GUCY1B1: variants seen among roughly 807,000 people sequenced by gnomAD.
GUCY1B1 encodes guanylate cyclase soluble subunit beta-1.
GUCY1B1 carries 43 observed loss-of-function variants against 71.0 expected under a neutral mutation model. That is an observed-to-expected ratio of 0.61 (90% CI 0.47 to 0.78). The LOEUF is 0.78. GUCY1B1 is among the 30% of genes least tolerant of loss of function. The pLI is 0.00. For missense variants in GUCY1B1, 535 were observed against 754.1 expected (o/e 0.71, Z 3.40); for synonymous variants, 266 against 259.7 (o/e 1.02, Z -0.23).
At chr4:155,784,241 G>T (rs1350959535) in intron 4 of GUCY1B1, among the ~76,000 whole-genome samples, 3 of 152,014 alleles carry the variant, frequency 2.0e-5, no homozygotes, top group Non-Finnish European at 2.9e-5. Context: ...TTTTAGAAAA[G>T]AATCTCTATA....
At chr4:155,774,915 T>C (rs1374995339) in intron 2 of GUCY1B1, 53 bp from the exon 3 acceptor site, 1 of 912,944 alleles carries the variant, frequency 1.1e-6, no homozygotes, top group African/African-American at 1.6e-5. Flanking sequence ...TTATAGTAGC[T>C]ATTTTTTTAA....
chr4:155,774,891 T>C, intron 2 of GUCY1B1, 77 bp from the exon 3 acceptor site: 1 of 832,282 alleles, frequency 1.2e-6, no homozygotes, highest in Non-Finnish European at 2.0e-6. Flanking sequence ...CCATTGTTTA[T>C]ACAATTATTA....
intron 9 of GUCY1B1, among the ~76,000 whole-genome samples, chr4:155,801,996 A>G (rs2111170056): frequency 6.6e-6 from 1 of 152,270 alleles, no homozygotes; most frequent in African/African-American, 2.4e-5. Context: ...TCATACTGTG[A>G]CTATCGTAAT....
At chr4:155,796,589 C>A (rs1739574466) in intron 8 of GUCY1B1, 79 bp downstream of exon 8, 1 of 934,576 alleles carries the variant, frequency 1.1e-6, no homozygotes, top group Admixed American at 2.8e-5. Flanking sequence ...TATTTTATTC[C>A]ATTAAATTTA....
chr4:155,794,780 T>G (rs1420894180), intron 6 of GUCY1B1, among the ~76,000 whole-genome samples: 3 of 152,206 alleles, frequency 2.0e-5, no homozygotes, highest in Admixed American at 2.0e-4. Context: ...GGCTCTGGTA[T>G]TGACTCTACC....
chr4:155,779,042 C>A (rs572092448), intron 4 of GUCY1B1, among the ~76,000 whole-genome samples: 3 of 151,812 alleles, frequency 2.0e-5, no homozygotes, highest in Non-Finnish European at 2.9e-5. Context: ...AGAGAGCAAG[C>A]GGCCTTTTAG....
At chr4:155,770,359 A>G (rs906806137) in intron 2 of GUCY1B1, among the ~76,000 whole-genome samples, 7 of 152,160 alleles carry the variant, frequency 4.6e-5, no homozygotes, top group African/African-American at 1.7e-4. Context: ...GGAAATGGTT[A>G]TTATCACATC....
intron 2 of GUCY1B1, among the ~76,000 whole-genome samples, chr4:155,773,700 CCT>C (rs1488751052): frequency 2.0e-5 from 3 of 152,268 alleles, no homozygotes; most frequent in African/African-American, 7.2e-5. Flanking sequence ...CTTTTCACAC[CCT>C]GTGTCCAATC....
At chr4:155,759,450 G>T in intron 1 of GUCY1B1, 2 of 526,742 alleles carry the variant, frequency 3.8e-6, no homozygotes, top group South Asian at 5.4e-5. Flanking sequence ...GGCCCCACCA[G>T]TGTGGGAGGC....
rs1021360451 is a variant in GUCY1B1, at chr4:155,759,095, G to T, written c.-46G>T. Reference sequence around the variant, plus strand: ...CGCCTCTGCCTGGGTCCCTTCGGCCGTACCTCTGCGTGGGGGCTGCCTCCC... The same window carrying T: ...CGCCTCTGCCTGGGTCCCTTCGGCCTTACCTCTGCGTGGGGGCTGCCTCCC... On this transcript the variant is annotated 5_prime_UTR_variant, in exon 1 of 14. Coordinates refer to ENST00000264424, the MANE Select transcript of GUCY1B1 (RefSeq NM_000857.5). 7.0e-5 allele frequency: 110 copies of T among 1,581,124 alleles called. No individual in the cohort carries two copies. Among genetic ancestry groups the T allele is most frequent in the Non-Finnish European group, 9.2e-5 (107 of 1,163,634 alleles).
At chr4:155,787,804 C>T (rs1263201150) in intron 4 of GUCY1B1, among the ~76,000 whole-genome samples, 1 of 152,186 alleles carries the variant, frequency 6.6e-6, no homozygotes, top group Non-Finnish European at 1.5e-5. Flanking sequence ...CCCGCGGAAT[C>T]ATCTCATTCT....
At chr4:155,798,188 A>G (rs566349846) in intron 8 of GUCY1B1, among the ~76,000 whole-genome samples, 85 of 152,358 alleles carry the variant, frequency 5.6e-4, no homozygotes, top group African/African-American at 1.9e-3. Flanking sequence ...GTGTAGGAAG[A>G]TTTGTACTCA....
chr4:155,773,338 C>T (rs551524060), intron 2 of GUCY1B1, among the ~76,000 whole-genome samples: 6 of 152,204 alleles, frequency 3.9e-5, no homozygotes, highest in African/African-American at 1.4e-4. Flanking sequence ...ATGGATTTCA[C>T]CTCTCCTTTG....
chr4:155,774,529 C>A (rs1166532163), intron 2 of GUCY1B1, among the ~76,000 whole-genome samples: 3 of 152,098 alleles, frequency 2.0e-5, no homozygotes, highest in Non-Finnish European at 4.4e-5. Flanking sequence ...TATGTTGTGT[C>A]TGTTTTCCCA....
chr4:155,783,531 C>T (rs768957212), intron 4 of GUCY1B1, among the ~76,000 whole-genome samples: 4 of 152,186 alleles, frequency 2.6e-5, no homozygotes, highest in Non-Finnish European at 4.4e-5. Context: ...GATATGTTGA[C>T]AGTTTCAGTC....
intron 2 of GUCY1B1, among the ~76,000 whole-genome samples, chr4:155,773,518 GCATCTCAAACTTAATATGTTTAAAAA>G (rs1392551523): frequency 6.6e-6 from 1 of 152,082 alleles, no homozygotes; most frequent in Non-Finnish European, 1.5e-5. Flanking sequence ...AGTCCACTTG[GCATCTCAAACTTAATATGTTTAAAAA>G]CATCTCAAAC....
intron 4 of GUCY1B1, among the ~76,000 whole-genome samples, chr4:155,779,561 A>G (rs565739742): frequency 6.6e-6 from 1 of 152,346 alleles, no homozygotes; most frequent in South Asian, 2.1e-4. Context: ...CTAGAAAGTT[A>G]GAATACTGTA....
chr4:155,766,958 A>G (rs1354234860), intron 2 of GUCY1B1, among the ~76,000 whole-genome samples: 1 of 152,182 alleles, frequency 6.6e-6, no homozygotes, highest in Non-Finnish European at 1.5e-5. Flanking sequence ...CTTTATACTC[A>G]TTATCTCAGT....
intron 2 of GUCY1B1, among the ~76,000 whole-genome samples, chr4:155,764,549 A>G (rs1385461101): frequency 1.3e-5 from 2 of 152,216 alleles, no homozygotes; most frequent in African/African-American, 2.4e-5. Context: ...TAGTATACAT[A>G]CAAAAATGAA....
Sources: gnomAD v4.1 joint callset for allele counts (sites outside exome capture counted in the v4.1 genomes callset) on GRCh38, gnomAD v4.1.1 for gene constraint, MANE v1.5 for transcripts, NCBI Gene and HGNC (gene_info 2026-07-23, HGNC 2026-07-21) for gene names.